IKZF3: variants seen among roughly 807,000 people sequenced by gnomAD.
IKZF3 encodes zinc finger protein Aiolos.
A neutral mutation model predicts 49.0 loss-of-function variants in IKZF3; 10 were observed. That is an observed-to-expected ratio of 0.20 (90% CI 0.13 to 0.35). IKZF3 has a LOEUF of 0.35. Ranked by LOEUF, IKZF3 falls within the 10% of genes least tolerant of loss-of-function variation. The pLI is 1.00. For synonymous variants in IKZF3, 209 were observed against 228.2 expected, an observed-to-expected ratio of 0.92 and a Z score of 0.76; for missense variants, 498 against 664.8, an observed-to-expected ratio of 0.75 and a Z score of 2.76.
At chr17:39,770,659 C>A (rs1375760111) in intron 7 of IKZF3, among the ~76,000 whole-genome samples, 1 of 151,898 alleles carries the variant, frequency 6.6e-6, no homozygotes, top group Non-Finnish European at 1.5e-5. Flanking sequence ...TACTTCTGGT[C>A]TTTATATTTC....
intron 3 of IKZF3, among the ~76,000 whole-genome samples, chr17:39,805,201 A>G (rs1356946269): frequency 6.6e-6 from 1 of 152,216 alleles, no homozygotes; most frequent in Non-Finnish European, 1.5e-5. Context: ...ACTACTTACC[A>G]AACAAACAAG....
intron 1 of IKZF3, among the ~76,000 whole-genome samples, chr17:39,836,367 G>A (rs779584069): frequency 1.7e-4 from 26 of 152,170 alleles, no homozygotes; most frequent in Non-Finnish European, 2.6e-4. Flanking sequence ...CTGAAGGTCC[G>A]GGGCCAGAGG....
Position 39,809,506 on chromosome 17 carries a change from G to A in IKZF3, c.164-16573C>T, listed in dbSNP as rs752987813. On this transcript the variant is annotated intron_variant, in intron 3 of 7. Coordinates refer to ENST00000346872, the MANE Select transcript of IKZF3 (RefSeq NM_012481.5). ...TTCATTCACCTGCTGTGTGTGTGAC[G>A]CTTTAAAATCCAAAGCTTTGAAAGT... 4.6e-5 allele frequency among the ~76,000 whole-genome samples: 7 copies of A among 152,256 alleles called. No homozygotes were observed. In the South Asian group the frequency reaches 6.2e-4, roughly 14 times the overall value.
At chr17:39,808,774 C>T (rs1022114140) in intron 3 of IKZF3, among the ~76,000 whole-genome samples, 1 of 152,030 alleles carries the variant, frequency 6.6e-6, no homozygotes, top group Non-Finnish European at 1.5e-5. Context: ...GGACTAGAAC[C>T]GGAAAATCAA....
At chr17:39,794,947 A>T (rs1355740576) in intron 3 of IKZF3, among the ~76,000 whole-genome samples, 1 of 152,210 alleles carries the variant, frequency 6.6e-6, no homozygotes, top group East Asian at 1.9e-4. Context: ...GGAAAATTTC[A>T]GCTACTTAAA....
intron 4 of IKZF3, among the ~76,000 whole-genome samples, chr17:39,792,395 A>G (rs755581108): frequency 1.1e-4 from 16 of 152,198 alleles, no homozygotes; most frequent in African/African-American, 1.4e-4. Context: ...ACACAATTCA[A>G]CTCCTACTTA....
At chr17:39,822,749 A>AT (rs1207461302) in intron 3 of IKZF3, among the ~76,000 whole-genome samples, 2 of 151,658 alleles carry the variant, frequency 1.3e-5, no homozygotes, top group Non-Finnish European at 2.9e-5. Flanking sequence ...CGCCCAGCTA[A>AT]TTTTTTGTAT....
chr17:39,760,331 A>AT lies in IKZF3; in HGVS notation c.*5458dup, dbSNP rs796978716. The AT allele has an allele frequency of 0.039, 3,590 of 92,982 alleles. 88 individuals are homozygous for AT. Among genetic ancestry groups the AT allele is most frequent in the Admixed American group, 0.071 (719 of 10,064 alleles). The allele number at this position is 92,982 out of a possible 1,614,324, so 5.8% of individuals were successfully genotyped here. ...ACCACCACACCCAGCTAATTTTTGTATTTTTTTTTTCGAGATGGAGTCTCA... is the reference window on the plus strand; with the variant it reads ...ACCACCACACCCAGCTAATTTTTGTATTTTTTTTTTTCGAGATGGAGTCTCA... On this transcript the variant is annotated 3_prime_UTR_variant, in exon 8 of 8. Transcript: ENST00000346872.
At chr17:39,841,104 G>A (rs1193925398) in intron 1 of IKZF3, among the ~76,000 whole-genome samples, 1 of 152,022 alleles carries the variant, frequency 6.6e-6, no homozygotes, top group Non-Finnish European at 1.5e-5. Flanking sequence ...TTGAGCCCTG[G>A]AAGTCGAGGC....
intron 3 of IKZF3, among the ~76,000 whole-genome samples, chr17:39,810,637 A>T (rs1230234585): frequency 6.6e-6 from 1 of 151,406 alleles, no homozygotes; most frequent in Non-Finnish European, 1.5e-5. Flanking sequence ...AAAAAAACCC[A>T]ATAAAATATA....
At chr17:39,785,206 CT>C (rs1388160493) in intron 6 of IKZF3, among the ~76,000 whole-genome samples, 1 of 152,146 alleles carries the variant, frequency 6.6e-6, no homozygotes, top group African/African-American at 2.4e-5. Flanking sequence ...GTTAAATATT[CT>C]GTAAATTTTG....
intron 1 of IKZF3, 51 bp downstream of exon 1, chr17:39,864,068 CA>C: frequency 6.2e-7 from 1 of 1,610,068 alleles, no homozygotes; most frequent in Non-Finnish European, 8.5e-7. Flanking sequence ...ACTGCTTGCA[CA>C]GGTTAAGTTT....
chr17:39,783,989 T>C (rs998155490), intron 6 of IKZF3, among the ~76,000 whole-genome samples: 1 of 152,174 alleles, frequency 6.6e-6, no homozygotes, highest in African/African-American at 2.4e-5. Context: ...CTTAAAAATT[T>C]TTAAACATTT....
chr17:39,832,837 C>T (rs556877002), intron 1 of IKZF3, among the ~76,000 whole-genome samples: 12 of 151,968 alleles, frequency 7.9e-5, no homozygotes, highest in African/African-American at 2.7e-4. Flanking sequence ...TTAACAACGA[C>T]GTATTATATA....
intron 3 of IKZF3, among the ~76,000 whole-genome samples, chr17:39,812,191 C>T (rs2061576439): frequency 1.3e-5 from 2 of 152,174 alleles, no homozygotes; most frequent in South Asian, 2.1e-4. Flanking sequence ...GATAAAATTT[C>T]GGGATCCCAT....
rs967763207 is a variant in IKZF3, at chr17:39,775,937, A to AAAAG, written c.826+1710_826+1713dup. On this transcript the variant is annotated intron_variant, in intron 7 of 7. Transcript: ENST00000346872. Reference sequence around the variant, plus strand: ...GAAACTCTGTCTCAAAAAAAAAAAAAAAAGAAAGAAAGAAAGAAATGAAGT... The same window carrying AAAAG: ...GAAACTCTGTCTCAAAAAAAAAAAAAAAAGAAAGAAAGAAAGAAAGAAATGAAGT... 5.9e-5 allele frequency among the ~76,000 whole-genome samples: 9 copies of AAAAG among 151,360 alleles called. No individual in the cohort carries two copies. The East Asian group carries it at 1.2e-3, about 19-fold the overall frequency.
At chr17:39,850,423 G>C (rs1176335604) in intron 1 of IKZF3, among the ~76,000 whole-genome samples, 5 of 122,832 alleles carry the variant, frequency 4.1e-5, no homozygotes, top group African/African-American at 1.6e-4. Flanking sequence ...ATAGCATATT[G>C]TATGTATATA....
At chr17:39,830,093 T>C (rs2062069917) in intron 2 of IKZF3, among the ~76,000 whole-genome samples, 1 of 152,226 alleles carries the variant, frequency 6.6e-6, no homozygotes, top group Middle Eastern at 3.2e-3. Context: ...CATTGGTATA[T>C]CTCACGATAT....
rs180975983 is a variant in IKZF3 at position 39,856,820 on chromosome 17, T to C, written c.7+7300A>G. On this transcript the variant is annotated intron_variant, in intron 1 of 7. Transcript: ENST00000346872. Reference sequence around the variant, plus strand: ...AGACTCCATCTCAAAATAATAATAATAATAATAATAATTTTACATGAGAAA... The same window carrying C: ...AGACTCCATCTCAAAATAATAATAACAATAATAATAATTTTACATGAGAAA... Among the ~76,000 whole-genome samples, 577 of 151,252 alleles carry C rather than the reference T, an allele frequency of 3.8e-3. 5 individuals carry two copies. Among genetic ancestry groups the C allele is most frequent in the African/African-American group, 0.014 (559 of 41,258 alleles).
Sources: gnomAD v4.1 joint callset for allele counts (sites outside exome capture counted in the v4.1 genomes callset) on GRCh38, gnomAD v4.1.1 for gene constraint, MANE v1.5 for transcripts, NCBI Gene and HGNC (gene_info 2026-07-23, HGNC 2026-07-21) for gene names.